PRDM4: variants seen among roughly 807,000 people sequenced by gnomAD.
PRDM4 encodes PR domain zinc finger protein 4.
Under a neutral mutation model 62.3 loss-of-function variants are expected in PRDM4, and 38 were observed. The ratio of observed to expected loss-of-function variants is 0.61; its 90% CI spans 0.47 to 0.80. PRDM4 has a LOEUF of 0.80. Ranked by LOEUF, PRDM4 falls within the 30% of genes least tolerant of loss-of-function variation. PRDM4 has a pLI of 0.00. For synonymous variants in PRDM4, 339 were observed against 348.2 expected (o/e 0.97, Z 0.30); for missense variants, 858 against 997.1 (o/e 0.86, Z 1.88).
In PRDM4 at chr12:107,733,859, T is replaced by G; in HGVS notation, c.*351A>C. Reference sequence around the variant, plus strand: ...CCAAGTCACAGGACCAGCAGGAAAATGGAATAATGGAAGAATGTGAAATAA... The same window carrying G: ...CCAAGTCACAGGACCAGCAGGAAAAGGGAATAATGGAAGAATGTGAAATAA... On this transcript the variant is annotated 3_prime_UTR_variant, in exon 12 of 12. Transcript: ENST00000228437. 4.4e-6 allele frequency: 1 copy of G among 227,414 alleles called. No homozygotes were observed. Among genetic ancestry groups the G allele is most frequent in the Non-Finnish European group, 8.6e-6 (1 of 115,892 alleles). 14.1% of individuals were successfully genotyped at this position (227,414 alleles called of 1,614,324 possible). A position where few individuals can be genotyped will look rare whatever the true frequency, so the allele number is the denominator to read the frequency against.
chr12:107,736,264 T>C (rs7968311), intron 11 of PRDM4, among the ~76,000 whole-genome samples: 1 of 152,022 alleles, frequency 6.6e-6, no homozygotes, highest in Non-Finnish European at 1.5e-5. Context: ...CGTGGTATCA[T>C]ATAGCAATAA....
At chr12:107,751,363 T>C in intron 5 of PRDM4, 52 bp downstream of exon 5, 2 of 1,519,074 alleles carry the variant, frequency 1.3e-6, no homozygotes, top group Non-Finnish European at 1.8e-6. Flanking sequence ...TTGTTAGGGA[T>C]GGTGGCCCTT....
rs770106922 is a variant in PRDM4 at position 107,746,329 on chromosome 12, G to A, written c.1222C>T (p.Leu408Phe). The change falls in exon 6 of 12, where the codon CTT becomes TTT. Residue 408 changes from leucine to phenylalanine, a missense_variant. Transcript: ENST00000228437. ...AGAACAAGCTGCTTTGGGAGAGAAAGCCTTGCTCTGCTCTCTATTGGAGTG... is the reference window on the plus strand; with the variant it reads ...AGAACAAGCTGCTTTGGGAGAGAAAACCTTGCTCTGCTCTCTATTGGAGTG... Reference protein sequence around the residue: ...PDTPIESRARLSLPKQLVLRQ... With the variant: ...PDTPIESRARFSLPKQLVLRQ... 2 of 1,614,124 alleles carry A rather than the reference G, an allele frequency of 1.2e-6. No individual in the cohort carries two copies. Among genetic ancestry groups the A allele is most frequent in the Admixed American group, 1.7e-5 (1 of 60,018 alleles).
chr12:107,755,090 A>G (rs1258898217), intron 3 of PRDM4, among the ~76,000 whole-genome samples: 1 of 146,796 alleles, frequency 6.8e-6, no homozygotes, highest in Non-Finnish European at 1.5e-5. Context: ...CAGGGGCAAT[A>G]TTTTTTTTTT....
At chr12:107,737,576 C>G (rs1242139200) in intron 11 of PRDM4, among the ~76,000 whole-genome samples, 1 of 152,132 alleles carries the variant, frequency 6.6e-6, no homozygotes, top group Admixed American at 6.5e-5. Flanking sequence ...AAAACTTTTC[C>G]TCAAACTATA....
At chr12:107,760,445 C>T (rs1891204495) in intron 2 of PRDM4, 60 bp downstream of exon 2, 2 of 1,605,044 alleles carry the variant, frequency 1.2e-6, no homozygotes, top group South Asian at 1.1e-5. Context: ...TGACCCTGGA[C>T]ACTCACTCGC....
intron 3 of PRDM4, among the ~76,000 whole-genome samples, chr12:107,755,529 A>G (rs1277648795): frequency 6.6e-6 from 1 of 152,236 alleles, no homozygotes; most frequent in Non-Finnish European, 1.5e-5. Flanking sequence ...ACAAATGTGA[A>G]GAGACCCTAG....
rs941912128 is a variant in PRDM4 at position 107,750,873 on chromosome 12, A to T, written c.1126+542T>A. Among the ~76,000 whole-genome samples the T allele has an allele frequency of 2.0e-5, 3 of 152,344 alleles. No individual in the cohort carries two copies. In the East Asian group the frequency reaches 5.8e-4, roughly 29 times the overall value. On this transcript the variant is annotated intron_variant, in intron 5 of 11. Transcript: ENST00000228437. ...GGGCTAAACTTACCTTTTTTAAAAA[A>T]ATATTGTATTATCACTATGATTGTT...
intron 8 of PRDM4, 101 bp downstream of exon 8, chr12:107,743,096 G>T: frequency 1.1e-6 from 1 of 929,840 alleles, no homozygotes; most frequent in Non-Finnish European, 1.7e-6. Context: ...TCCAGGTGTT[G>T]GTGTAATTTG....
chr12:107,751,974 G>A lies in PRDM4; in HGVS notation c.567C>T (p.Asp189=). ...AAACGTTCTCCATAGTGATTGCTGT[G>A]TCCAAGGCCACCTCATGGCCATCAC... ...HPSDGHEVAL[D]TAITMENVSR... is the part of the protein sequence containing the mutation. Residue 189 remains aspartate, a synonymous_variant, in exon 5 of 12, where the codon GAC becomes GAT. Coordinates refer to ENST00000228437, the MANE Select transcript of PRDM4 (RefSeq NM_012406.4). The A allele has an allele frequency of 1.2e-6, 2 of 1,614,222 alleles. No individual in the cohort carries two copies. The highest frequency in any genetic ancestry group is 8.5e-7 in the Non-Finnish European group (1 of 1,180,050).
intron 2 of PRDM4, among the ~76,000 whole-genome samples, chr12:107,759,016 T>C (rs1891146525): frequency 6.6e-6 from 1 of 152,206 alleles, no homozygotes; most frequent in African/African-American, 2.4e-5. Context: ...ACACCTGTAA[T>C]CCCACACTTT....
Position 107,756,862 on chromosome 12 carries a change from A to T in PRDM4, c.115T>A (p.Ser39Thr), listed in dbSNP as rs746885650. ...VSGSHLGLAASPTHSAIPAPG... is the reference protein window; with the variant it reads ...VSGSHLGLAATPTHSAIPAPG... The stretch of plus-strand genomic sequence containing the variant: ...GCAGGGATGGCACTGTGAGTGGGTG[A>T]GGCAGCCAATCCCAGGTGACTTCCT... Residue 39 changes from serine (S) to threonine (T), a missense_variant, in exon 3 of 12, where the codon TCA (serine) becomes ACA (threonine). This residue lies in a region of PRDM4 where 499 missense variants were observed against 546.7 expected (regional missense o/e 0.91). Transcript: ENST00000228437. 1.9e-6 allele frequency: 3 copies of T among 1,614,136 alleles called. No individual in the cohort carries two copies. The highest frequency in any genetic ancestry group is 2.5e-6 in the Non-Finnish European group (3 of 1,180,020).
At chr12:107,743,758 G>A (rs1205962366) in intron 7 of PRDM4, among the ~76,000 whole-genome samples, 4 of 152,074 alleles carry the variant, frequency 2.6e-5, no homozygotes, top group Non-Finnish European at 4.4e-5. Flanking sequence ...CTTCAATTTC[G>A]CAAGCATCAT....
intron 2 of PRDM4, 47 bp downstream of exon 2, chr12:107,760,458 G>A (rs777638766): frequency 2.5e-6 from 4 of 1,610,864 alleles, no homozygotes; most frequent in African/African-American, 1.3e-5. Context: ...TCACTCGCCA[G>A]AGTTTCCAAC....
intron 10 of PRDM4, 72 bp from the exon 11 acceptor site, chr12:107,739,623 T>C (rs1890448875): frequency 6.9e-7 from 1 of 1,449,822 alleles, no homozygotes; most frequent in Non-Finnish European, 9.4e-7. Flanking sequence ...CAGGCACACA[T>C]ATGTGCATGC....
At chr12:107,760,855 T>C (rs76964322) in intron 1 of PRDM4, 84 bp from the exon 2 acceptor site, 55,119 of 182,006 alleles carry the variant, frequency 0.3, 10,338 homozygotes, top group Non-Finnish European at 0.41. Context: ...CCCCAGGCGC[T>C]GCCGACACCG....
At chr12:107,760,406 C>G in intron 2 of PRDM4, 99 bp downstream of exon 2, 1 of 1,499,156 alleles carries the variant, frequency 6.7e-7, no homozygotes, top group Non-Finnish European at 9.2e-7. Context: ...CACCTGTAAC[C>G]TTCTCAATGG....
At chr12:107,748,548 G>A (rs1039768491) in intron 5 of PRDM4, among the ~76,000 whole-genome samples, 1 of 152,206 alleles carries the variant, frequency 6.6e-6, no homozygotes, top group Admixed American at 6.5e-5. Context: ...AGACAGAACA[G>A]TATTATGCGA....
At chr12:107,752,373 C>T (rs1237208924) in intron 4 of PRDM4, among the ~76,000 whole-genome samples, 164 bp from the exon 5 acceptor site, 6 of 151,916 alleles carry the variant, frequency 3.9e-5, no homozygotes, top group Non-Finnish European at 7.4e-5. Flanking sequence ...ATACATATAC[C>T]GTAATTGAGT....
Sources: gnomAD v4.1 joint callset for allele counts (sites outside exome capture counted in the v4.1 genomes callset) on GRCh38, gnomAD v4.1.1 for gene constraint, gnomAD v4.1.1 regional missense constraint, MANE v1.5 for transcripts, NCBI Gene and HGNC (gene_info 2026-07-23, HGNC 2026-07-21) for gene names.